The following CEP128 variants were observed in gnomAD, a reference collection of about 807,000 sequenced individuals.
The protein encoded by CEP128 is centrosomal protein 128, also known as centrosomal protein 128kDa.
CEP128 carries 132 observed loss-of-function variants against 156.7 expected under a neutral mutation model. The ratio of observed to expected loss-of-function variants is 0.84; its 90% confidence interval spans 0.73 to 0.97. CEP128 has a LOEUF of 0.97. Ranked by LOEUF, CEP128 falls within the 50% of genes least tolerant of loss-of-function variation. CEP128 has a pLI of 0.00. For missense variants in CEP128, 1,252 were observed against 1,281.9 expected (o/e 0.98, Z 0.36); for synonymous variants, 469 against 448.9 (o/e 1.04, Z -0.57).
At chr14:80,492,416 T>C (rs759668904), downstream of CEP128, among the ~76,000 whole-genome samples, 2 of 152,148 alleles carry the variant, frequency 1.3e-5, no homozygotes, top group Non-Finnish European at 2.9e-5. Flanking sequence ...TATCCTGTTA[T>C]CTTAAAATAC....
rs555107348 is a variant in CEP128 at position 80,633,198 on chromosome 14, A to C, written c.2807-52775T>G. On this transcript the variant is annotated intron_variant, in intron 19 of 24. Transcript: ENST00000555265. Reference sequence around the variant, plus strand: ...GCCGTGACTGCCACCACTACACTCCAATCTGGGTGCCAGAGTTAGACCCTG... The same window carrying C: ...GCCGTGACTGCCACCACTACACTCCCATCTGGGTGCCAGAGTTAGACCCTG... Among the ~76,000 whole-genome samples the C allele has an allele frequency of 3.3e-5, 5 of 152,034 alleles. No homozygotes were observed. The South Asian group carries it at 8.3e-4, about 25-fold the overall frequency.
rs569150249 is a variant in CEP128, at chr14:80,682,811, T to A, written c.2806+60264A>T. Among the ~76,000 whole-genome samples, 9 of 152,260 alleles carry A rather than the reference T, an allele frequency of 5.9e-5. No homozygotes were observed. In the South Asian group the frequency reaches 1.0e-3, roughly 18 times the overall value. On this transcript the variant is annotated intron_variant, in intron 19 of 24. Transcript: ENST00000555265. ...GTTCGGCACTCGCAGAGAAAATAAA[T>A]TCCAAAAAACAATTTCATTTTCTGC...
intron 15 of CEP128, 93 bp from the exon 16 acceptor site, chr14:80,778,139 C>T: frequency 9.7e-7 from 1 of 1,027,794 alleles, no homozygotes; most frequent in Non-Finnish European, 1.5e-6. Flanking sequence ...AAAAACACTG[C>T]AAGATTTCAG....
At chr14:80,637,436 C>G (rs1278509784) in intron 19 of CEP128, among the ~76,000 whole-genome samples, 1 of 152,130 alleles carries the variant, frequency 6.6e-6, no homozygotes, top group East Asian at 1.9e-4. Context: ...AAGGAGAATT[C>G]AATCCATCTC....
intron 13 of CEP128, among the ~76,000 whole-genome samples, chr14:80,816,446 A>T (rs1008281012): frequency 6.6e-6 from 1 of 152,114 alleles, no homozygotes; most frequent in African/African-American, 2.4e-5. Flanking sequence ...GGGAGACCCA[A>T]TTACCCATAC....
intron 20 of CEP128, among the ~76,000 whole-genome samples, chr14:80,578,512 A>T (rs560725922): frequency 1.3e-5 from 2 of 152,302 alleles, no homozygotes; most frequent in East Asian, 3.9e-4. Context: ...GGATCATCTA[A>T]TCCACACTAA....
intron 13 of CEP128, among the ~76,000 whole-genome samples, chr14:80,822,242 A>G (rs1423170057): frequency 6.6e-6 from 1 of 152,176 alleles, no homozygotes. Context: ...AGACAAGGCA[A>G]GTCTCTTCCG....
At chr14:80,586,242 T>A (rs1643306923) in intron 19 of CEP128, among the ~76,000 whole-genome samples, 1 of 152,190 alleles carries the variant, frequency 6.6e-6, no homozygotes, top group Non-Finnish European at 1.5e-5. Context: ...GTGGAGGGCC[T>A]GGGGGCCAGC....
chr14:80,817,055 C>T (rs1884904445), intron 13 of CEP128, among the ~76,000 whole-genome samples: 1 of 151,352 alleles, frequency 6.6e-6, no homozygotes, highest in Non-Finnish European at 1.5e-5. Flanking sequence ...CCAACCAAAG[C>T]TTAATGAGAT....
chr14:80,905,469 CT>C (rs1275713700), intron 5 of CEP128: 1 of 155,456 alleles, frequency 6.4e-6, no homozygotes, highest in Non-Finnish European at 1.4e-5. Context: ...AAACATGAAT[CT>C]CAGTGCTATA....
intron 9 of CEP128, 121 bp downstream of exon 9, chr14:80,862,636 T>C: frequency 1.4e-6 from 1 of 700,184 alleles, no homozygotes; most frequent in South Asian, 1.8e-5. Context: ...ATAACCAATA[T>C]GTGATATTAA....
At chr14:80,637,841 A>T (rs911441439) in intron 19 of CEP128, among the ~76,000 whole-genome samples, 3 of 152,192 alleles carry the variant, frequency 2.0e-5, no homozygotes, top group African/African-American at 7.2e-5. Context: ...GACACAGAAA[A>T]GAACACAGTG....
intron 13 of CEP128, among the ~76,000 whole-genome samples, chr14:80,799,871 C>A (rs1157366478): frequency 6.6e-6 from 1 of 152,104 alleles, no homozygotes. Flanking sequence ...TGAACATAGA[C>A]CCTTATCAGT....
intron 13 of CEP128, among the ~76,000 whole-genome samples, chr14:80,806,116 T>C (rs1292006120): frequency 6.6e-6 from 1 of 152,184 alleles, no homozygotes; most frequent in African/African-American, 2.4e-5. Context: ...GCCATTATCA[T>C]TTTCTTTTTG....
chr14:80,532,665 A>C (rs1889283011), intron 21 of CEP128, among the ~76,000 whole-genome samples: 1 of 152,206 alleles, frequency 6.6e-6, no homozygotes, highest in Admixed American at 6.5e-5. Flanking sequence ...AGAATTCTGC[A>C]GGGTGAATGA....
At chr14:80,625,672 T>G (rs768762155) in intron 19 of CEP128, among the ~76,000 whole-genome samples, 20 of 152,234 alleles carry the variant, frequency 1.3e-4, no homozygotes, top group South Asian at 6.2e-4. Flanking sequence ...TTTCATCTCC[T>G]TGGTTAAATT....
chr14:80,786,537 A>C (rs1901416588), intron 14 of CEP128, among the ~76,000 whole-genome samples: 1 of 152,212 alleles, frequency 6.6e-6, no homozygotes, highest in Non-Finnish European at 1.5e-5. Context: ...TTTAACTGAA[A>C]GAAAGAAAGA....
intron 4 of CEP128, among the ~76,000 whole-genome samples, chr14:80,913,921 A>G (rs185955975): frequency 6.6e-6 from 1 of 152,326 alleles, no homozygotes; most frequent in Admixed American, 6.5e-5. Flanking sequence ...ACAGCAATAG[A>G]AATTTTAAAA....
chr14:80,910,014 G>A (rs1201983924), intron 4 of CEP128, among the ~76,000 whole-genome samples: 1 of 152,102 alleles, frequency 6.6e-6, no homozygotes, highest in Non-Finnish European at 1.5e-5. Flanking sequence ...TAACTACAAT[G>A]TTATAAATTC....
Sources: gnomAD v4.1 joint callset for allele counts (sites outside exome capture counted in the v4.1 genomes callset) on GRCh38, gnomAD v4.1.1 for gene constraint, MANE v1.5 for transcripts, NCBI Gene and HGNC (gene_info 2026-07-23, HGNC 2026-07-21) for gene names.